GPRC5B: variants seen among roughly 807,000 people sequenced by gnomAD.
The protein encoded by GPRC5B is G protein-coupled receptor family C group 5 member B.
GPRC5B carries 16 observed loss-of-function variants against 30.1 expected under a neutral mutation model. That is an observed-to-expected ratio of 0.53 (90% confidence interval 0.36 to 0.81). GPRC5B has a LOEUF of 0.81. GPRC5B is among the 30% of genes least tolerant of loss of function. The pLI is 0.01. For missense variants in GPRC5B, 428 were observed against 544.7 expected, an observed-to-expected ratio of 0.79 and a Z score of 2.13; for synonymous variants, 241 against 239.5, an observed-to-expected ratio of 1.01 and a Z score of -0.06.
At position 19,872,729 on chromosome 16, in the gene GPRC5B, C is replaced by G. The variant is rs765725104; in HGVS notation, c.117G>C (p.Leu39=). The G allele has an allele frequency of 1.1e-5, 18 of 1,613,708 alleles. No homozygotes were observed. The South Asian group carries it at 1.9e-4, about 17-fold the overall frequency. Residue 39 remains leucine (L), a synonymous_variant, in exon 2 of 4, where the codon CTG becomes CTC. Coordinates refer to ENST00000300571, the MANE Select transcript of GPRC5B (RefSeq NM_016235.3). The surrounding 1 kb of genome is among the most constrained non-coding windows in gnomAD (Gnocchi z 5.0). The part of the protein sequence containing the change: ...ENASTSRGCG[L]DLLPQYVSLC... ...GGGACACGTACTGAGGGAGGAGGTC[C>G]AGCCCACAGCCTCGGGATGTGCTGG...
chr16:19,871,321 A>T (rs2056717459), intron 2 of GPRC5B, among the ~76,000 whole-genome samples: 2 of 151,690 alleles, frequency 1.3e-5, no homozygotes, highest in Non-Finnish European at 2.9e-5. Context: ...AAAAAACAAA[A>T]AACAAAAAAC....
chr16:19,873,121 C>A (rs2056736357), intron 1 of GPRC5B, among the ~76,000 whole-genome samples: 1 of 152,072 alleles, frequency 6.6e-6, no homozygotes, highest in African/African-American at 2.4e-5. Context: ...TCTGTATACC[C>A]TTTTGTATTC....
At chr16:19,873,464 CAAAA>C (rs1224351499) in intron 1 of GPRC5B, among the ~76,000 whole-genome samples, 3 of 55,780 alleles carry the variant, frequency 5.4e-5, no homozygotes, top group Admixed American at 2.1e-4. Context: ...ACTCCGTCTC[CAAAA>C]AAAAAAAAAA....
chr16:19,872,895 A>T lies in GPRC5B; in HGVS notation c.-1-49T>A. 1 of 1,345,826 alleles carries T rather than the reference A, an allele frequency of 7.4e-7. No homozygotes were observed. Among genetic ancestry groups the T allele is most frequent in the Non-Finnish European group, 1.0e-6 (1 of 953,766 alleles). 83.4% of individuals were successfully genotyped at this position (1,345,826 alleles called of 1,614,324 possible). ...GTTGGGGGGAAGGAAAGATGAATTC[A>T]TTGGAAGACTCCCCCTCTCCTGACT... On this transcript the variant is annotated intron_variant, in intron 1 of 3. Transcript: ENST00000300571. The surrounding 1 kb of genome is among the most constrained non-coding windows in gnomAD (Gnocchi z 5.0).
At chr16:19,863,491 CTTTTTTTTTTTTT>C (rs10541805) in intron 2 of GPRC5B, among the ~76,000 whole-genome samples, 1 of 82,272 alleles carries the variant, frequency 1.2e-5, no homozygotes. Flanking sequence ...AATCTGTGTT[CTTTTTTTTTTTTT>C]TTTTTTTTTT....
chr16:19,878,374 C>T (rs1007511637), intron 1 of GPRC5B, among the ~76,000 whole-genome samples: 4 of 151,886 alleles, frequency 2.6e-5, no homozygotes, highest in Admixed American at 1.3e-4. Context: ...GGCATGATCT[C>T]GGCTCACTGC....
chr16:19,878,557 G>C (rs1208439312), intron 1 of GPRC5B, among the ~76,000 whole-genome samples: 5 of 152,100 alleles, frequency 3.3e-5, no homozygotes, highest in Non-Finnish European at 5.9e-5. Flanking sequence ...GCCTCCCAAA[G>C]TTCTGGGATT....
At chr16:19,876,539 T>A (rs529328652) in intron 1 of GPRC5B, among the ~76,000 whole-genome samples, 6 of 152,008 alleles carry the variant, frequency 3.9e-5, no homozygotes, top group African/African-American at 1.4e-4. Flanking sequence ...CCTGAGGGGG[T>A]TCTCTCTTTT....
chr16:19,863,652 G>A (rs2056644749), intron 2 of GPRC5B, among the ~76,000 whole-genome samples: 1 of 151,932 alleles, frequency 6.6e-6, no homozygotes, highest in South Asian at 2.1e-4. Flanking sequence ...ACAAGCACGT[G>A]CCACCATGCC....
At position 19,857,402 on chromosome 16, in the gene GPRC5B, G is replaced by A. The variant is rs1200220929; in HGVS notation, c.*3098C>T. Reference sequence around the variant, plus strand: ...TTAAATTTGTAATATTTATATAGTCGTTTATGGTACATATTGATTGTCTTG... The same window carrying A: ...TTAAATTTGTAATATTTATATAGTCATTTATGGTACATATTGATTGTCTTG... On this transcript the variant is annotated 3_prime_UTR_variant, in exon 4 of 4. Transcript: ENST00000300571. 7 of 429,674 alleles carry A rather than the reference G, an allele frequency of 1.6e-5. No homozygotes were observed. Among genetic ancestry groups the A allele is most frequent in the Admixed American group, 1.1e-4 (4 of 35,044 alleles). 26.6% of individuals were successfully genotyped at this position (429,674 alleles called of 1,614,324 possible).
rs946479799 is a variant in GPRC5B, at chr16:19,861,686, G to A, written c.1167+151C>T. On this transcript the variant is annotated intron_variant, in intron 3 of 3. Transcript: ENST00000300571. ...AGAAAAGGGGTAGAAAGGGAAAGAAGAAAAATAAAAGCATTGCATGCGTTT... is the reference window on the plus strand; with the variant it reads ...AGAAAAGGGGTAGAAAGGGAAAGAAAAAAAATAAAAGCATTGCATGCGTTT... 4.7e-6 allele frequency: 3 copies of A among 642,914 alleles called. No individual in the cohort carries two copies. The South Asian group carries it at 6.2e-5, about 13-fold the overall frequency. 39.8% of individuals were successfully genotyped at this position (642,914 alleles called of 1,614,324 possible).
chr16:19,885,232 A>G (rs1201241127), upstream of GPRC5B: 2 of 1,288,552 alleles, frequency 1.6e-6, no homozygotes, highest in East Asian at 5.6e-5. The surrounding 1 kb of genome is among the most constrained non-coding windows in gnomAD (Gnocchi z 5.3). Context: ...CAGGGGTCCC[A>G]GCGCGGAAGC....
chr16:19,878,150 G>A (rs1035374043), intron 1 of GPRC5B, among the ~76,000 whole-genome samples: 3 of 150,426 alleles, frequency 2.0e-5, no homozygotes, highest in Admixed American at 6.6e-5. Flanking sequence ...AGTGAGCCGA[G>A]GTCACGCCAC....
In GPRC5B at chr16:19,858,158, T is replaced by C. The variant is rs2056587145; in HGVS notation, c.*2342A>G. 1 of 226,884 alleles carries C rather than the reference T, an allele frequency of 4.4e-6. No homozygotes were observed. The highest frequency in any genetic ancestry group is 8.5e-6 in the Non-Finnish European group (1 of 117,166). The allele number at this position is 226,884 out of a possible 1,614,324, so 14.1% of individuals were successfully genotyped here. On this transcript the variant is annotated 3_prime_UTR_variant, in exon 4 of 4. Coordinates refer to ENST00000300571, the MANE Select transcript of GPRC5B (RefSeq NM_016235.3). ...GGCTGCTACAGTCTCTTGGCAAAGATGTCTCTTGATACTTTTCAGGTGTAG... is the reference window on the plus strand; with the variant it reads ...GGCTGCTACAGTCTCTTGGCAAAGACGTCTCTTGATACTTTTCAGGTGTAG...
intron 2 of GPRC5B, among the ~76,000 whole-genome samples, chr16:19,868,640 C>T (rs779634043): frequency 6.6e-6 from 1 of 152,160 alleles, no homozygotes; most frequent in Non-Finnish European, 1.5e-5. Flanking sequence ...GCTGACTCTG[C>T]CATCCCTGCC....
intron 3 of GPRC5B, 31 bp from the exon 4 acceptor site, chr16:19,860,575 G>GA (rs1185551251): frequency 4.7e-6 from 7 of 1,503,498 alleles, no homozygotes; most frequent in African/African-American, 1.4e-5. Context: ...AACACACTGA[G>GA]AACTCTGTGC....
rs764494530 is a variant in GPRC5B, at chr16:19,872,546, G to T, written c.300C>A (p.Leu100=). ...GCCCAAAGAGGCCCAGGGTCCCCAG[G>T]AGGAACAGAAAGTGGAGGCCCACAG... ...KSPVGLHFLF[L]LGTLGLFGLT... is the part of the protein sequence containing the mutation. The change falls in exon 2 of 4, where the codon CTC becomes CTA. Residue 100 remains leucine, a synonymous_variant. Coordinates refer to ENST00000300571, the MANE Select transcript of GPRC5B (RefSeq NM_016235.3). This position sits in a 1 kb window ranked among gnomAD's most constrained non-coding sequence, Gnocchi z 5.0. The T allele has an allele frequency of 6.2e-7, 1 of 1,614,128 alleles. No individual in the cohort carries two copies. The highest frequency in any genetic ancestry group is 2.2e-5 in the East Asian group (1 of 44,870).
At chr16:19,865,510 C>G (rs1353103760) in intron 2 of GPRC5B, among the ~76,000 whole-genome samples, 1 of 152,152 alleles carries the variant, frequency 6.6e-6, no homozygotes, top group Non-Finnish European at 1.5e-5. Context: ...AAAAAACTGG[C>G]TTTATTATAC....
At chr16:19,879,672 C>T (rs1304835929) in intron 1 of GPRC5B, among the ~76,000 whole-genome samples, 14 of 152,208 alleles carry the variant, frequency 9.2e-5, no homozygotes, top group South Asian at 2.1e-4. Flanking sequence ...AATGTCCCCA[C>T]ACCACCTGCT....
Sources: gnomAD v4.1 joint callset for allele counts (sites outside exome capture counted in the v4.1 genomes callset) on GRCh38, gnomAD v4.1.1 for gene constraint, Gnocchi (gnomAD v3.1) non-coding constraint, MANE v1.5 for transcripts, NCBI Gene and HGNC (gene_info 2026-07-23, HGNC 2026-07-21) for gene names.